PNPLA7: variants seen among roughly 807,000 people sequenced by gnomAD.
PNPLA7 encodes patatin-like phospholipase domain-containing protein 7.
PNPLA7 carries 153 observed loss-of-function variants against 161.7 expected under a neutral mutation model. That is an observed-to-expected ratio of 0.95 (90% CI 0.83 to 1.08). The LOEUF (loss-of-function observed/expected upper bound fraction) is 1.08, where lower values mean the gene tolerates loss of function less well. Among genes scored for constraint, PNPLA7 ranks in the 50% least tolerant of loss-of-function variants. The pLI is 0.00. For synonymous variants in PNPLA7, 809 were observed against 782.1 expected (o/e 1.03, Z -0.57); for missense variants, 1,739 against 1,856.6 (o/e 0.94, Z 1.16).
chr9:137,507,460 G>T (rs1396697002), intron 12 of PNPLA7, among the ~76,000 whole-genome samples: 1 of 152,084 alleles, frequency 6.6e-6, no homozygotes, highest in Non-Finnish European at 1.5e-5. Context: ...GCCTAAGGTT[G>T]GGGGTTCGAG....
chr9:137,507,206 T>C (rs1247114930), intron 12 of PNPLA7, among the ~76,000 whole-genome samples: 3 of 152,256 alleles, frequency 2.0e-5, no homozygotes, highest in African/African-American at 7.2e-5. Flanking sequence ...CAAGTCCTGC[T>C]GTTTTTTAAA....
Position 137,462,823 on chromosome 9 carries a change from G to A in PNPLA7, c.3354C>T (p.Ala1118=). ...GYINNLPADV[A]RSMGAKVVIA... The stretch of plus-strand genomic sequence containing the variant: ...TCACCACTTTTGCCCCCATGGACCG[G>A]GCCACATCCGCTAGGGAGAAGCCAG... The change falls in exon 30 of 35, where the codon GCC becomes GCT. Residue 1118 remains alanine, a synonymous_variant. Transcript: ENST00000406427. The A allele has an allele frequency of 6.2e-7, 1 of 1,613,824 alleles. No individual in the cohort carries two copies. The highest frequency in any genetic ancestry group is 8.5e-7 in the Non-Finnish European group (1 of 1,179,952).
intron 8 of PNPLA7, among the ~76,000 whole-genome samples, chr9:137,532,931 C>T (rs371770080): frequency 1.3e-5 from 2 of 151,156 alleles, no homozygotes; most frequent in African/African-American, 4.9e-5. Flanking sequence ...AGTGAGTGTC[C>T]ACTCCAGACG....
At chr9:137,511,350 C>T (rs978170336) in intron 12 of PNPLA7, among the ~76,000 whole-genome samples, 1 of 151,372 alleles carries the variant, frequency 6.6e-6, no homozygotes, top group Non-Finnish European at 1.5e-5. Context: ...CCTGGGAAGG[C>T]ACCCGTTACT....
rs1042431672 is a variant in PNPLA7 at position 137,499,983 on chromosome 9, C to A, written c.1757+708G>T. Among the ~76,000 whole-genome samples, 2 of 152,242 alleles carry A rather than the reference C, an allele frequency of 1.3e-5. No homozygotes were observed. Among genetic ancestry groups the A allele is most frequent in the East Asian group, 1.9e-4 (1 of 5,190 alleles). ...AGGCGAGAGCTGGGGTTAAACTGAA[C>A]CCCAGGCTCCAGGAGATTCTGGACC... On this transcript the variant is annotated intron_variant, in intron 16 of 34. Coordinates refer to ENST00000406427, the MANE Select transcript of PNPLA7 (RefSeq NM_001098537.3). The surrounding 1 kb of genome is among the most constrained non-coding windows in gnomAD (Gnocchi z 5.5).
intron 12 of PNPLA7, among the ~76,000 whole-genome samples, chr9:137,514,569 C>T (rs1408550841): frequency 1.0e-4 from 15 of 144,786 alleles, no homozygotes; most frequent in Non-Finnish European, 2.0e-4. Context: ...TGCCCGGGCC[C>T]TGTGGCCGGG....
At chr9:137,461,864 GTGGGCGTGGCCCGAAGAAC>G (rs1365657687) in intron 32 of PNPLA7, 48 bp downstream of exon 32, 11 of 1,445,552 alleles carry the variant, frequency 7.6e-6, no homozygotes, top group Non-Finnish European at 1.0e-5. Context: ...TGAACTGGGC[GTGGGCGTGGCCCGAAGAAC>G]TGGGCGCGGT....
intron 30 of PNPLA7, 47 bp from the exon 31 acceptor site, chr9:137,462,378 C>A (rs748859363): frequency 1.3e-6 from 2 of 1,554,188 alleles, no homozygotes; most frequent in Non-Finnish European, 8.7e-7. Context: ...GCCCCTACCC[C>A]GTCCCAGCCT....
In PNPLA7 at chr9:137,537,138, G is replaced by A. The variant is rs1293999734; in HGVS notation, c.747+3504C>T. On this transcript the variant is annotated intron_variant, in intron 8 of 34. Transcript: ENST00000406427. This position sits in a 1 kb window ranked among gnomAD's most constrained non-coding sequence, Gnocchi z 4.5. ...AGGAACCGAAGCGTTTTCAGTGTGA[G>A]GGGACAGACGGCCACTGTTGATAAA... Among the ~76,000 whole-genome samples the A allele has an allele frequency of 6.6e-6, 1 of 152,242 alleles. No individual in the cohort carries two copies. The highest frequency in any genetic ancestry group is 1.5e-5 in the Non-Finnish European group (1 of 68,046).
At position 137,537,458 on chromosome 9, in the gene PNPLA7, C is replaced by T. The variant is rs1333955253; in HGVS notation, c.747+3184G>A. Among the ~76,000 whole-genome samples, 1 of 152,148 alleles carries T rather than the reference C, an allele frequency of 6.6e-6. No individual in the cohort carries two copies. Among genetic ancestry groups the T allele is most frequent in the Non-Finnish European group, 1.5e-5 (1 of 68,038 alleles). On this transcript the variant is annotated intron_variant, in intron 8 of 34. Coordinates refer to ENST00000406427, the MANE Select transcript of PNPLA7 (RefSeq NM_001098537.3). The surrounding 1 kb of genome is among the most constrained non-coding windows in gnomAD (Gnocchi z 4.5). ...TCAGCCTCCCGAGTAGCTGGGATAA[C>T]AGGCACCCGCCACCACACCCAGCTA...
In PNPLA7 at chr9:137,487,796, G is replaced by A. The variant is rs188791996; in HGVS notation, c.2198-3060C>T. Among the ~76,000 whole-genome samples the A allele has an allele frequency of 1.4e-4, 22 of 152,276 alleles. No individual in the cohort carries two copies. In the East Asian group the frequency reaches 3.1e-3, roughly 21 times the overall value. On this transcript the variant is annotated intron_variant, in intron 20 of 34. Coordinates refer to ENST00000406427, the MANE Select transcript of PNPLA7 (RefSeq NM_001098537.3). ...AACCCCAGCTGGCCCCCGAGAGGCC[G>A]TCCCATCCAGCCTCCACCTGCCTGT...
chr9:137,463,345 G>C, intron 29 of PNPLA7, 70 bp downstream of exon 29: 1 of 1,356,286 alleles, frequency 7.4e-7, no homozygotes, highest in Non-Finnish European at 1.0e-6. Context: ...GGCAGCTGTG[G>C]CAGGGGCCGT....
chr9:137,470,295 T>C (rs1831649837), intron 25 of PNPLA7, among the ~76,000 whole-genome samples: 1 of 152,206 alleles, frequency 6.6e-6, no homozygotes, highest in Non-Finnish European at 1.5e-5. Flanking sequence ...GGATTACAGG[T>C]GTGAGGCACC....
chr9:137,535,584 C>A (rs1402130875), intron 8 of PNPLA7, among the ~76,000 whole-genome samples: 1 of 151,710 alleles, frequency 6.6e-6, no homozygotes, highest in African/African-American at 2.4e-5. Context: ...GAAACCCCGT[C>A]CCTACTAAAA....
chr9:137,478,918 G>C, intron 24 of PNPLA7, 138 bp downstream of exon 24: 2 of 1,192,818 alleles, frequency 1.7e-6, no homozygotes, highest in South Asian at 1.8e-5. Context: ...ACGTGAGGCA[G>C]GGTCACGTTC....
At chr9:137,510,197 C>G (rs1343735431) in intron 12 of PNPLA7, among the ~76,000 whole-genome samples, 1 of 152,138 alleles carries the variant, frequency 6.6e-6, no homozygotes, top group Admixed American at 6.5e-5. Flanking sequence ...GAAAGGGAGT[C>G]TCCCTTTCCC....
At chr9:137,489,190 C>T (rs778853080) in intron 20 of PNPLA7, among the ~76,000 whole-genome samples, 9 of 152,206 alleles carry the variant, frequency 5.9e-5, no homozygotes, top group Non-Finnish European at 1.0e-4. Context: ...GTAATGAAGA[C>T]GCAGCCTGTG....
At chr9:137,498,064 T>G (rs753235710) in intron 17 of PNPLA7, 50 bp downstream of exon 17, 3 of 1,586,350 alleles carry the variant, frequency 1.9e-6, no homozygotes, top group Non-Finnish European at 2.6e-6. Flanking sequence ...CCCCAGCTCC[T>G]GCATGCCAGG....
rs1833261229 is a variant in PNPLA7 at position 137,499,507 on chromosome 9, T to C, written c.1757+1184A>G. ...CAGCTGGGGATGCTCAGGAGGGAGA[T>C]GGGTCCAGCTCCACCCAGGGTCCCC... On this transcript the variant is annotated intron_variant, in intron 16 of 34. Transcript: ENST00000406427. The surrounding 1 kb of genome is among the most constrained non-coding windows in gnomAD (Gnocchi z 5.5). Among the ~76,000 whole-genome samples, 1 of 152,194 alleles carries C rather than the reference T, an allele frequency of 6.6e-6. No individual in the cohort carries two copies. Among genetic ancestry groups the C allele is most frequent in the African/African-American group, 2.4e-5 (1 of 41,450 alleles).
Sources: gnomAD v4.1 joint callset for allele counts (sites outside exome capture counted in the v4.1 genomes callset) on GRCh38, gnomAD v4.1.1 for gene constraint, Gnocchi (gnomAD v3.1) non-coding constraint, MANE v1.5 for transcripts, NCBI Gene and HGNC (gene_info 2026-07-23, HGNC 2026-07-21) for gene names.